Variants in HEATR5A observed in about 807,000 individuals in gnomAD.
The protein encoded by HEATR5A is HEAT repeat containing 5A, also known as HEAT repeat-containing protein 5A.
A neutral mutation model predicts 218.8 loss-of-function variants in HEATR5A; 178 were observed. The ratio of observed to expected loss-of-function variants is 0.81; its 90% CI spans 0.72 to 0.92. The LOEUF is 0.92. HEATR5A is among the 40% of genes least tolerant of loss of function. The pLI is 0.00. For synonymous variants in HEATR5A, 864 were observed against 871.6 expected (o/e 0.99, Z 0.15); for missense variants, 2,420 against 2,418.9 (o/e 1.00, Z -0.01).
chr14:31,350,760 TTTTGTTTGTTTGTTTG>T (rs10602248), intron 16 of HEATR5A, 43 bp from the exon 17 acceptor site: 29 of 681,110 alleles, frequency 4.3e-5, no homozygotes, highest in East Asian at 3.4e-4. Flanking sequence ...GTAGGTAAGT[TTTTGTTTGTTTGTTTG>T]TTTGTTTGTT....
chr14:31,358,867 C>G, intron 15 of HEATR5A, 27 bp downstream of exon 15: 1 of 1,603,706 alleles, frequency 6.2e-7, no homozygotes, highest in Non-Finnish European at 8.5e-7. Flanking sequence ...CAGATTGAAT[C>G]TAATCAAGAG....
chr14:31,328,935 T>C (rs539378016), intron 22 of HEATR5A, among the ~76,000 whole-genome samples: 85 of 150,084 alleles, frequency 5.7e-4, no homozygotes, highest in Middle Eastern at 3.5e-3. Flanking sequence ...TTCCACATGA[T>C]TGGGGAAGCC....
In HEATR5A at chr14:31,398,789, A is replaced by G; in HGVS notation, c.339-8T>C. On this transcript the variant is annotated splice_polypyrimidine_tract_variant and splice_region_variant and intron_variant, in intron 3 of 35. Transcript: ENST00000543095. ...AAACATACCACAGCAGCACTGAAAC[A>G]ACATTTAAATTAGAAATTAGTCACA... The G allele has an allele frequency of 2.1e-6, 3 of 1,460,476 alleles. No individual in the cohort carries two copies. The highest frequency in any genetic ancestry group is 2.8e-6 in the Non-Finnish European group (3 of 1,079,464). The allele number at this position is 1,460,476 out of a possible 1,614,324, so 90.5% of individuals were successfully genotyped here.
intron 21 of HEATR5A, among the ~76,000 whole-genome samples, chr14:31,341,087 G>A (rs1900823668): frequency 6.6e-6 from 1 of 151,980 alleles, no homozygotes; most frequent in Non-Finnish European, 1.5e-5. Context: ...AATAAATTCA[G>A]AATAAATTAC....
At chr14:31,293,797 A>T in intron 35 of HEATR5A, 94 bp downstream of exon 35, 1 of 1,114,928 alleles carries the variant, frequency 9.0e-7, no homozygotes. Context: ...AATGTGAAAT[A>T]CAGATATAAT....
chr14:31,402,810 G>C, intron 2 of HEATR5A, 40 bp downstream of exon 2: 2 of 1,529,070 alleles, frequency 1.3e-6, no homozygotes, highest in Non-Finnish European at 1.8e-6. Flanking sequence ...AGTAAACATG[G>C]GCACTTAAAC....
intron 1 of HEATR5A, among the ~76,000 whole-genome samples, chr14:31,407,950 T>G (rs1461718085): frequency 6.6e-6 from 1 of 152,162 alleles, no homozygotes; most frequent in African/African-American, 2.4e-5. Context: ...TTTTAAAAGC[T>G]ACACAAGAAT....
chr14:31,312,775 G>A (rs889910495), intron 28 of HEATR5A, among the ~76,000 whole-genome samples, 193 bp downstream of exon 28: 12 of 152,060 alleles, frequency 7.9e-5, no homozygotes, highest in African/African-American at 2.7e-4. Context: ...GTGTGTGCCT[G>A]TAGTCCTTGC....
intron 16 of HEATR5A, among the ~76,000 whole-genome samples, chr14:31,356,298 G>A (rs1901424524): frequency 6.6e-6 from 1 of 152,066 alleles, no homozygotes; most frequent in South Asian, 2.1e-4. Context: ...GTGCAGTGGC[G>A]AGATCTTGGC....
chr14:31,357,427 G>A (rs1437397892), intron 16 of HEATR5A, among the ~76,000 whole-genome samples: 1 of 152,208 alleles, frequency 6.6e-6, no homozygotes, highest in African/African-American at 2.4e-5. Flanking sequence ...ATGCATGGTT[G>A]TTGGTCGAGA....
At chr14:31,339,174 T>A (rs934873242) in intron 21 of HEATR5A, among the ~76,000 whole-genome samples, 1 of 148,742 alleles carries the variant, frequency 6.7e-6, no homozygotes, top group African/African-American at 2.5e-5. Flanking sequence ...TATGTATATA[T>A]GAGAAGAGGG....
chr14:31,307,871 A>G (rs1416922554), intron 30 of HEATR5A, 22 bp downstream of exon 30: 5 of 1,603,516 alleles, frequency 3.1e-6, no homozygotes, highest in Non-Finnish European at 4.2e-6. Context: ...AAGCCTTACA[A>G]AAAAAACCCC....
At position 31,358,921 on chromosome 14, in the gene HEATR5A, C is replaced by G. The variant is rs1901519340; in HGVS notation, c.2208G>C (p.Glu736Asp). 2 of 1,594,680 alleles carry G rather than the reference C, an allele frequency of 1.3e-6. No homozygotes were observed. Among genetic ancestry groups the G allele is most frequent in the African/African-American group, 1.4e-5 (1 of 73,386 alleles). ...GTTCTTCAATAAATCTATGGTCAGT[C>G]TCTTGTAGGAAAGGACTTAGTATCA... is the stretch of plus-strand genomic sequence containing the variant. ...DLLILSPFLQ[E>D]TDHRFIEEQL... is the part of the protein sequence containing the mutation. Residue 736 changes from glutamate (E) to aspartate (D), a missense_variant, in exon 15 of 36, where the codon GAG (glutamate) becomes GAC (aspartate). Glu to Asp is a conservative substitution (Grantham distance 45). Transcript: ENST00000543095.
At position 31,388,851 on chromosome 14, in the gene HEATR5A, A is replaced by G; in HGVS notation, c.927T>C (p.Val309=). 1 of 1,613,592 alleles carries G rather than the reference A, an allele frequency of 6.2e-7. No homozygotes were observed. Among genetic ancestry groups the G allele is most frequent in the Non-Finnish European group, 8.5e-7 (1 of 1,179,616 alleles). ...ACTGATTTGTGATTCCAACCTGAGTAACTCCAACTCGAACATCCCTACTGA... is the reference window on the plus strand; with the variant it reads ...ACTGATTTGTGATTCCAACCTGAGTGACTCCAACTCGAACATCCCTACTGA... ...SSVSRDVRVG[V]TQAYVVFVST... Residue 309 remains valine (V), a synonymous_variant, in exon 7 of 36, where the codon GTT becomes GTC. Transcript: ENST00000543095.
chr14:31,321,636 A>G lies in HEATR5A; in HGVS notation c.3832T>C (p.Phe1278Leu), dbSNP rs981094379. ...LHLADLIRMA[F>L]MAATDHSDQL... ...TCACTGTGATCTGTGGCAGCCATAA[A>G]AGCCATGCGAATTAAGTCAGCAAGA... The change falls in exon 25 of 36, where the codon TTT (phenylalanine) becomes CTT (leucine). Residue 1278 changes from phenylalanine (F) to leucine (L), a missense_variant. Phe to Leu is a conservative substitution (Grantham distance 22). Coordinates refer to ENST00000543095, the MANE Select transcript of HEATR5A (RefSeq NM_015473.4). 9 of 1,610,532 alleles carry G rather than the reference A, an allele frequency of 5.6e-6. No individual in the cohort carries two copies. Among genetic ancestry groups the G allele is most frequent in the Non-Finnish European group, 7.6e-6 (9 of 1,178,502 alleles).
At chr14:31,385,033 A>G (rs928956606) in intron 9 of HEATR5A, among the ~76,000 whole-genome samples, 9 of 152,188 alleles carry the variant, frequency 5.9e-5, no homozygotes, top group Non-Finnish European at 1.2e-4. Flanking sequence ...GTCAAATGCT[A>G]TTTAAGTAAG....
chr14:31,293,148 T>C lies in HEATR5A; in HGVS notation c.*157A>G. On this transcript the variant is annotated 3_prime_UTR_variant, in exon 36 of 36. Coordinates refer to ENST00000543095, the MANE Select transcript of HEATR5A (RefSeq NM_015473.4). ...CAAACCCCACGCACACACACAAAAA[T>C]GTTAAGTATGCTGTTACTTTGAAGA... 1 of 531,884 alleles carries C rather than the reference T, an allele frequency of 1.9e-6. No individual in the cohort carries two copies. Among genetic ancestry groups the C allele is most frequent in the Non-Finnish European group, 3.2e-6 (1 of 310,514 alleles). 32.9% of individuals were successfully genotyped at this position (531,884 alleles called of 1,614,324 possible).
intron 13 of HEATR5A, among the ~76,000 whole-genome samples, chr14:31,367,677 C>T (rs935395759): frequency 2.3e-4 from 35 of 149,912 alleles, no homozygotes; most frequent in African/African-American, 8.1e-4. Context: ...CCTCAGCCTC[C>T]CAAAATGATA....
Position 31,347,756 on chromosome 14 carries a change from C to G in HEATR5A, c.2860G>C (p.Asp954His), listed in dbSNP as rs1566763011. The change falls in exon 19 of 36, where the codon GAT becomes CAT. Residue 954 changes from aspartate to histidine, a missense_variant. By Grantham distance (81) the Asp-to-His change is moderately conservative. Coordinates refer to ENST00000543095, the MANE Select transcript of HEATR5A (RefSeq NM_015473.4). Reference sequence around the variant, plus strand: ...TCACATGAGGTACCCACCTGCACATCAGGAGAAGTGCTGTCCTGCGCCAAA... The same window carrying G: ...TCACATGAGGTACCCACCTGCACATGAGGAGAAGTGCTGTCCTGCGCCAAA... ...YTLAQDSTSPDVQTWALHSLS... is the reference protein window; with the variant it reads ...YTLAQDSTSPHVQTWALHSLS... The G allele has an allele frequency of 6.3e-7, 1 of 1,592,954 alleles. No homozygotes were observed. The highest frequency in any genetic ancestry group is 8.5e-7 in the Non-Finnish European group (1 of 1,172,580).
Sources: gnomAD v4.1 joint callset for allele counts (sites outside exome capture counted in the v4.1 genomes callset) on GRCh38, gnomAD v4.1.1 for gene constraint, MANE v1.5 for transcripts, NCBI Gene and HGNC (gene_info 2026-07-23, HGNC 2026-07-21) for gene names.